Variants in SPPL3 observed in about 807,000 individuals in gnomAD.
The protein encoded by SPPL3 is signal peptide peptidase like 3.
A neutral mutation model predicts 42.4 loss-of-function variants in SPPL3; 5 were observed. That is an observed-to-expected ratio of 0.12 (90% confidence interval 0.06 to 0.25). SPPL3 has a LOEUF of 0.25. Among genes scored for constraint, SPPL3 ranks in the 10% least tolerant of loss-of-function variants. SPPL3 has a pLI of 1.00. For missense variants in SPPL3, 235 were observed against 489.0 expected, an observed-to-expected ratio of 0.48 and a Z score of 4.90; for synonymous variants, 195 against 181.8, an observed-to-expected ratio of 1.07 and a Z score of -0.58.
chr12:120,867,477 T>C (rs1872789108), intron 1 of SPPL3, among the ~76,000 whole-genome samples: 1 of 151,984 alleles, frequency 6.6e-6, no homozygotes, highest in African/African-American at 2.4e-5. Context: ...CCATCCTGGC[T>C]AACATGGTGA....
At chr12:120,790,826 C>CT (rs35743748) in intron 3 of SPPL3, among the ~76,000 whole-genome samples, 75,403 of 146,912 alleles carry the variant, frequency 0.51, 19,260 homozygotes, top group Admixed American at 0.6. Flanking sequence ...TATCTTGGCA[C>CT]TTTTTTTTTT....
intron 6 of SPPL3, among the ~76,000 whole-genome samples, chr12:120,771,453 A>G (rs977641078): frequency 4.6e-5 from 7 of 152,204 alleles, no homozygotes; most frequent in African/African-American, 1.7e-4. Context: ...CGCAAGTACT[A>G]GCTTCTCAAT....
At chr12:120,868,428 A>C (rs1460856133) in intron 1 of SPPL3, among the ~76,000 whole-genome samples, 1 of 152,108 alleles carries the variant, frequency 6.6e-6, no homozygotes, top group Non-Finnish European at 1.5e-5. Flanking sequence ...TCACTTGTCA[A>C]GTGGTCAACA....
intron 1 of SPPL3, among the ~76,000 whole-genome samples, chr12:120,846,149 G>T (rs1166552869): frequency 1.3e-5 from 2 of 152,064 alleles, no homozygotes; most frequent in East Asian, 1.9e-4. Context: ...TTTTTTTAGG[G>T]TTAGCTCTGT....
intron 1 of SPPL3, among the ~76,000 whole-genome samples, chr12:120,855,447 G>T (rs1317467765): frequency 6.6e-6 from 1 of 152,066 alleles, no homozygotes; most frequent in Non-Finnish European, 1.5e-5. Flanking sequence ...TAGCACTTTG[G>T]GAGGCCGAGG....
At chr12:120,833,595 T>A (rs1380647018) in intron 1 of SPPL3, among the ~76,000 whole-genome samples, 2 of 142,376 alleles carry the variant, frequency 1.4e-5, no homozygotes, top group African/African-American at 2.7e-5. Flanking sequence ...TCTGGGAAGC[T>A]GAAGTGGGAG....
chr12:120,855,939 C>T (rs561939259), intron 1 of SPPL3, among the ~76,000 whole-genome samples: 4 of 152,148 alleles, frequency 2.6e-5, no homozygotes, highest in Non-Finnish European at 5.9e-5. Context: ...AAATGCAATT[C>T]TGAAAAGGCC....
At chr12:120,876,441 G>A (rs1221424878) in intron 1 of SPPL3, among the ~76,000 whole-genome samples, 2 of 151,186 alleles carry the variant, frequency 1.3e-5, no homozygotes, top group Non-Finnish European at 2.9e-5. Context: ...GTGAAACCCC[G>A]TCTCTACTAA....
Position 120,764,439 on chromosome 12 carries a change from A to G in SPPL3, c.*560T>C, listed in dbSNP as rs7307973. 0.087 allele frequency: 13,444 copies of G among 154,866 alleles called. 1,734 individuals are homozygous for G. The highest frequency in any genetic ancestry group is 0.28 in the African/African-American group (11,815 of 41,522). 9.6% of individuals were successfully genotyped at this position (154,866 alleles called of 1,614,324 possible). ...TGTGGATGTTGTAAGAAGTCACTCA[A>G]TGTCTGTGGATTTAATAAGTCACTT... On this transcript the variant is annotated 3_prime_UTR_variant, in exon 11 of 11. Transcript: ENST00000353487.
intron 1 of SPPL3, among the ~76,000 whole-genome samples, chr12:120,826,821 A>G (rs1315556945): frequency 6.6e-6 from 1 of 152,128 alleles, no homozygotes; most frequent in Non-Finnish European, 1.5e-5. Context: ...GGAGGGGAGA[A>G]AACACCAATA....
chr12:120,764,918 AGGCCAG>A lies in SPPL3; in HGVS notation c.*75_*80del. 2.7e-6 allele frequency: 4 copies of A among 1,468,906 alleles called. No individual in the cohort carries two copies. Among genetic ancestry groups the A allele is most frequent in the Non-Finnish European group, 3.7e-6 (4 of 1,070,212 alleles). The allele number at this position is 1,468,906 out of a possible 1,614,324, so 91.0% of individuals were successfully genotyped here. On this transcript the variant is annotated 3_prime_UTR_variant, in exon 11 of 11. Transcript: ENST00000353487. ...AAACACAGGTACATTTCTGAGTACC[AGGCCAG>A]CTCTAAGAGGAAACAAACCATGAGT...
At chr12:120,886,843 A>G (rs1052813827) in intron 1 of SPPL3, among the ~76,000 whole-genome samples, 28 of 152,198 alleles carry the variant, frequency 1.8e-4, no homozygotes, top group African/African-American at 6.8e-4. Flanking sequence ...GCACTGTTCA[A>G]TATGGGAGCT....
chr12:120,895,151 G>T (rs1159041449), intron 1 of SPPL3, among the ~76,000 whole-genome samples: 2 of 152,066 alleles, frequency 1.3e-5, no homozygotes, highest in Non-Finnish European at 2.9e-5. Context: ...AAACAGGTCG[G>T]GCATGGTGGC....
At chr12:120,787,159 A>T (rs1183971152) in intron 3 of SPPL3, among the ~76,000 whole-genome samples, 1 of 152,208 alleles carries the variant, frequency 6.6e-6, no homozygotes, top group Non-Finnish European at 1.5e-5. Flanking sequence ...TTATATAGTA[A>T]GCAACAGGAG....
At chr12:120,782,438 T>A (rs1419778679) in intron 6 of SPPL3, among the ~76,000 whole-genome samples, 1 of 151,682 alleles carries the variant, frequency 6.6e-6, no homozygotes, top group African/African-American at 2.4e-5. Context: ...ATGTCCAGAA[T>A]GGAGAAATCC....
intron 1 of SPPL3, among the ~76,000 whole-genome samples, chr12:120,881,304 ACTAAAAATACAAAAATTAG>A (rs1001932677): frequency 1.3e-5 from 2 of 151,264 alleles, no homozygotes; most frequent in African/African-American, 4.9e-5. Flanking sequence ...CCCTGTTGCT[ACTAAAAATACAAAAATTAG>A]CTGGGCGTGT....
intron 1 of SPPL3, among the ~76,000 whole-genome samples, chr12:120,840,257 G>A (rs568903480): frequency 6.2e-5 from 7 of 113,474 alleles, no homozygotes; most frequent in South Asian, 6.4e-4. Context: ...CAGCCTGAGC[G>A]ACAGAGTGAG....
At chr12:120,773,857 G>A (rs1281773341) in intron 6 of SPPL3, among the ~76,000 whole-genome samples, 1 of 152,332 alleles carries the variant, frequency 6.6e-6, no homozygotes, top group South Asian at 2.1e-4. Context: ...ACCTGCCTCA[G>A]CCTCCCGAAG....
chr12:120,852,754 T>TAAAA (rs1393896019), intron 1 of SPPL3, among the ~76,000 whole-genome samples: 1 of 92,946 alleles, frequency 1.1e-5, no homozygotes, highest in African/African-American at 4.7e-5. Context: ...ATTTCATATA[T>TAAAA]TATATCTATG....
Sources: allele counts gnomAD v4.1 joint callset (sites outside exome capture counted in the v4.1 genomes callset), GRCh38; gene constraint gnomAD v4.1.1; transcripts MANE v1.5; gene names NCBI Gene and HGNC (gene_info 2026-07-23, HGNC 2026-07-21).